SMOC2: variants seen among roughly 807,000 people sequenced by gnomAD.
SMOC2 encodes the protein SPARC-related modular calcium-binding protein 2.
SMOC2 carries 39 observed loss-of-function variants against 61.4 expected under a neutral mutation model. The ratio of observed to expected loss-of-function variants is 0.64; its 90% CI spans 0.49 to 0.83. The LOEUF is 0.83. Among genes scored for constraint, SMOC2 ranks in the 40% least tolerant of loss-of-function variants. The pLI is 0.00. For missense variants in SMOC2, 556 were observed against 592.9 expected, an observed-to-expected ratio of 0.94 and a Z score of 0.65; for synonymous variants, 247 against 239.9, an observed-to-expected ratio of 1.03 and a Z score of -0.27.
In SMOC2 at chr6:168,543,638, A is replaced by C. The variant is rs1783923764; in HGVS notation, c.477A>C (p.Glu159Asp). ...KTPRCPGSVNEKLPQREGTGK... is the reference protein window; with the variant it reads ...KTPRCPGSVNDKLPQREGTGK... ...TTCCTCTTTTAGGTTCCGTAAATGA[A>C]AAGTTACCCCAACGCGAAGGCACAG... The change falls in exon 5 of 13, where the codon GAA (glutamate) becomes GAC (aspartate). Residue 159 changes from glutamate to aspartate, a missense_variant. Coordinates refer to ENST00000356284, the MANE Select transcript of SMOC2 (RefSeq NM_001166412.2). 1.2e-6 allele frequency: 2 copies of C among 1,613,972 alleles called. No individual in the cohort carries two copies. Among genetic ancestry groups the C allele is most frequent in the East Asian group, 4.5e-5 (2 of 44,874 alleles).
chr6:168,615,626 C>G, intron 9 of SMOC2, among the ~76,000 whole-genome samples: 1 of 134,086 alleles, frequency 7.5e-6, no homozygotes, highest in African/African-American at 2.9e-5. Flanking sequence ...CACCTACAGC[C>G]AGCACAGGGC....
chr6:168,570,781 C>T (rs1784646459), intron 7 of SMOC2, among the ~76,000 whole-genome samples: 2 of 152,190 alleles, frequency 1.3e-5, no homozygotes, highest in South Asian at 4.1e-4. Context: ...GTATTTTAAG[C>T]ATTCTGTGAT....
intron 4 of SMOC2, among the ~76,000 whole-genome samples, chr6:168,528,171 TTTATG>T: frequency 6.6e-6 from 1 of 152,322 alleles, no homozygotes; most frequent in South Asian, 2.1e-4. Flanking sequence ...TTCAAAATGG[TTTATG>T]TTATTTTATT....
rs1200475854 is a variant in SMOC2, at chr6:168,598,844, T to A, written c.664T>A (p.Ser222Thr). The A allele has an allele frequency of 3.1e-6, 5 of 1,613,674 alleles. No homozygotes were observed. The highest frequency in any genetic ancestry group is 4.2e-6 in the Non-Finnish European group (5 of 1,179,798). The change falls in exon 8 of 13, where the codon TCT becomes ACT. Residue 222 changes from serine (S) to threonine (T), a missense_variant. Physicochemically the swap from Ser to Thr is moderately conservative, Grantham distance 58. Coordinates refer to ENST00000356284, the MANE Select transcript of SMOC2 (RefSeq NM_001166412.2). ...GTCATCCTGTGACCAAGAGCACCAG[T>A]CTGCCCTGGAGGAAGCCAAGCAGCC... is the stretch of plus-strand genomic sequence containing the variant. ...SVSSCDQEHQSALEEAKQPKN... is the reference protein window; with the variant it reads ...SVSSCDQEHQTALEEAKQPKN...
chr6:168,495,358 C>T, intron 1 of SMOC2, among the ~76,000 whole-genome samples: 1 of 152,238 alleles, frequency 6.6e-6, no homozygotes, highest in East Asian at 1.9e-4. Flanking sequence ...CTGGCTGACG[C>T]CAGCCAGGGT....
chr6:168,563,871 G>C (rs369688588), intron 7 of SMOC2, among the ~76,000 whole-genome samples: 3 of 152,076 alleles, frequency 2.0e-5, no homozygotes, highest in African/African-American at 7.2e-5. Context: ...CTCGGTGTCC[G>C]TAGAGCAAGC....
At chr6:168,465,186 C>A (rs971789497) in intron 1 of SMOC2, among the ~76,000 whole-genome samples, 1 of 152,250 alleles carries the variant, frequency 6.6e-6, no homozygotes, top group Admixed American at 6.5e-5. Flanking sequence ...TTTTTAACAA[C>A]AAAATGAATC....
intron 4 of SMOC2, among the ~76,000 whole-genome samples, chr6:168,531,565 T>A (rs890163852): frequency 6.6e-6 from 1 of 152,010 alleles, no homozygotes; most frequent in Non-Finnish European, 1.5e-5. Flanking sequence ...CCAGGGGGGA[T>A]TTGGGGAACA....
chr6:168,493,504 G>A (rs1782517478), intron 1 of SMOC2, among the ~76,000 whole-genome samples: 1 of 152,220 alleles, frequency 6.6e-6, no homozygotes, highest in East Asian at 1.9e-4. Context: ...GGATGGCAAA[G>A]TAAGTGACAA....
At chr6:168,458,122 A>C (rs1407755790) in intron 1 of SMOC2, among the ~76,000 whole-genome samples, 1 of 152,210 alleles carries the variant, frequency 6.6e-6, no homozygotes, top group East Asian at 1.9e-4. Flanking sequence ...AGTGTGACCC[A>C]GAGGCCGGGC....
chr6:168,543,822 T>C, intron 5 of SMOC2, 150 bp downstream of exon 5: 1 of 736,296 alleles, frequency 1.4e-6, no homozygotes. Context: ...AGCAATGCCA[T>C]TCACTCACGA....
intron 7 of SMOC2, among the ~76,000 whole-genome samples, chr6:168,560,150 T>A (rs1784365509): frequency 6.6e-6 from 1 of 152,254 alleles, no homozygotes; most frequent in African/African-American, 2.4e-5. Context: ...TTTATATTTA[T>A]CATCTTTCCC....
Position 168,581,954 on chromosome 6 carries a change from G to A in SMOC2, c.638-16864G>A, listed in dbSNP as rs149302356. On this transcript the variant is annotated intron_variant, in intron 7 of 12. Transcript: ENST00000356284. ...GCCTTCTCTGACCCCCCTTTCCAAG[G>A]TGGCCTGCCCCACCATCCCCCAAAC... 3.2e-3 allele frequency among the ~76,000 whole-genome samples: 488 copies of A among 152,238 alleles called. 7 individuals are homozygous for A. Among genetic ancestry groups the A allele is most frequent in the African/African-American group, 0.011 (458 of 41,550 alleles).
At position 168,667,187 on chromosome 6, in the gene SMOC2, A is replaced by AT. The variant is rs1787682325; in HGVS notation, c.*749_*750insT. 1 of 152,166 alleles carries AT rather than the reference A, an allele frequency of 6.6e-6. No individual in the cohort carries two copies. The highest frequency in any genetic ancestry group is 6.5e-5 in the Admixed American group (1 of 15,268). 9.4% of individuals were successfully genotyped at this position (152,166 alleles called of 1,614,324 possible). A position where few individuals can be genotyped will look rare whatever the true frequency, so the allele number is the denominator to read the frequency against. ...CCTAGGAGGCAGTAAATCCAGTCAC[A>AT]GTGCCTGGGAGGGGCCCATCCTTCC... On this transcript the variant is annotated 3_prime_UTR_variant, in exon 13 of 13. Transcript: ENST00000356284.
intron 1 of SMOC2, among the ~76,000 whole-genome samples, chr6:168,503,714 C>CCA (rs1472000999): frequency 1.3e-5 from 2 of 152,138 alleles, no homozygotes; most frequent in Non-Finnish European, 2.9e-5. Flanking sequence ...AGCGGCACCA[C>CCA]CCATTTGTGC....
intron 8 of SMOC2, among the ~76,000 whole-genome samples, 192 bp downstream of exon 8, chr6:168,599,196 C>G (rs1785423543): frequency 7.1e-6 from 1 of 141,478 alleles, no homozygotes; most frequent in South Asian, 2.3e-4. Context: ...CACACTCATA[C>G]CACACACACA....
At chr6:168,604,751 G>A (rs1296078723) in intron 8 of SMOC2, among the ~76,000 whole-genome samples, 5 of 152,306 alleles carry the variant, frequency 3.3e-5, no homozygotes, top group Admixed American at 3.3e-4. Context: ...ATGTCACCAT[G>A]CATGAGAATT....
At position 168,524,643 on chromosome 6, in the gene SMOC2, T is replaced by A. The variant is rs1192067134; in HGVS notation, c.257-1703T>A. Among the ~76,000 whole-genome samples the A allele has an allele frequency of 2.6e-5, 4 of 152,186 alleles. No individual in the cohort carries two copies. The East Asian group carries it at 7.7e-4, about 29-fold the overall frequency. ...CTTTTTAGACAGTCAAAACCACAGGTTATACTAAAAAACGAGGACAGAAGT... is the reference window on the plus strand; with the variant it reads ...CTTTTTAGACAGTCAAAACCACAGGATATACTAAAAAACGAGGACAGAAGT... On this transcript the variant is annotated intron_variant, in intron 2 of 12. Transcript: ENST00000356284.
chr6:168,475,323 G>A lies in SMOC2; in HGVS notation c.84+33869G>A, dbSNP rs1006413606. On this transcript the variant is annotated intron_variant, in intron 1 of 12. Transcript: ENST00000356284. This position sits in a 1 kb window ranked among gnomAD's most constrained non-coding sequence, Gnocchi z 4.6. ...AATGCCTTTCCTTCCTCTTCTCTGTGGACGTAGATTAAATTCACTCTCATT... is the reference window on the plus strand; with the variant it reads ...AATGCCTTTCCTTCCTCTTCTCTGTAGACGTAGATTAAATTCACTCTCATT... Among the ~76,000 whole-genome samples the A allele has an allele frequency of 4.6e-5, 7 of 152,148 alleles. No homozygotes were observed. Among genetic ancestry groups the A allele is most frequent in the African/African-American group, 1.7e-4 (7 of 41,438 alleles).
Sources: allele counts gnomAD v4.1 joint callset (sites outside exome capture counted in the v4.1 genomes callset), GRCh38; gene constraint gnomAD v4.1.1; non-coding constraint Gnocchi (gnomAD v3.1); transcripts MANE v1.5; gene names NCBI Gene and HGNC (gene_info 2026-07-23, HGNC 2026-07-21).